TRAF3: variants seen among roughly 807,000 people sequenced by gnomAD.
TRAF3 encodes TNF receptor-associated factor 3.
Under a neutral mutation model 62.3 loss-of-function variants are expected in TRAF3, and 13 were observed. The observed-to-expected ratio is 0.21, with a 90% CI of 0.14 to 0.33. The LOEUF is 0.33. Among genes scored for constraint, TRAF3 ranks in the 10% least tolerant of loss-of-function variants. The pLI is 1.00. For missense variants in TRAF3, 440 were observed against 741.8 expected, an observed-to-expected ratio of 0.59 and a Z score of 4.73; for synonymous variants, 269 against 283.4, an observed-to-expected ratio of 0.95 and a Z score of 0.51.
At chr14:102,847,336 A>T (rs1171594754) in intron 2 of TRAF3, among the ~76,000 whole-genome samples, 1 of 152,082 alleles carries the variant, frequency 6.6e-6, no homozygotes, top group African/African-American at 2.4e-5. Context: ...CACCACGCCC[A>T]GCTAATTCTT....
Position 102,828,899 on chromosome 14 carries a change from G to A in TRAF3, c.-156-1435G>A, listed in dbSNP as rs756443684. Among the ~76,000 whole-genome samples the A allele has an allele frequency of 2.0e-5, 3 of 152,200 alleles. No individual in the cohort carries two copies. The South Asian group carries it at 6.2e-4, about 31-fold the overall frequency. ...TATTCATTTCTTTAACTTAAGCAAT[G>A]ACAGTTACATTAATCTGGATGGAAC... On this transcript the variant is annotated intron_variant, in intron 1 of 11. Transcript: ENST00000392745.
At chr14:102,824,095 T>G (rs1245402058) in intron 1 of TRAF3, among the ~76,000 whole-genome samples, 1 of 152,232 alleles carries the variant, frequency 6.6e-6, no homozygotes, top group Non-Finnish European at 1.5e-5. Context: ...TGTGGACATG[T>G]CATTTCTCTT....
chr14:102,889,749 G>A, intron 8 of TRAF3, 115 bp downstream of exon 8: 1 of 1,295,288 alleles, frequency 7.7e-7, no homozygotes, highest in Non-Finnish European at 1.1e-6. Context: ...TCATGAAACT[G>A]AAACACCCTG....
At chr14:102,874,153 C>T (rs1888505144) in intron 4 of TRAF3, among the ~76,000 whole-genome samples, 1 of 152,124 alleles carries the variant, frequency 6.6e-6, no homozygotes, top group Admixed American at 6.5e-5. Context: ...TAGTTCAAGC[C>T]ACTCAGGAGG....
At chr14:102,831,423 A>C (rs751459277) in intron 2 of TRAF3, among the ~76,000 whole-genome samples, 5 of 152,192 alleles carry the variant, frequency 3.3e-5, no homozygotes, top group Non-Finnish European at 7.4e-5. Flanking sequence ...CGGAGGTAAA[A>C]CATTTTTCAA....
Position 102,877,829 on chromosome 14 carries a change from C to T in TRAF3, c.570+1304C>T, listed in dbSNP as rs895783832. ...CGCTCAGCTCATAGGTAATCCCTTCCGCAGGCCCTCCCTCAACTCATAGAT... is the reference window on the plus strand; with the variant it reads ...CGCTCAGCTCATAGGTAATCCCTTCTGCAGGCCCTCCCTCAACTCATAGAT... On this transcript the variant is annotated intron_variant, in intron 6 of 11. Transcript: ENST00000392745. 8.7e-5 allele frequency among the ~76,000 whole-genome samples: 13 copies of T among 148,620 alleles called. No homozygotes were observed. The East Asian group carries it at 1.6e-3, about 19-fold the overall frequency.
At chr14:102,791,901 C>A (rs1022656056) in intron 1 of TRAF3, among the ~76,000 whole-genome samples, 2 of 151,952 alleles carry the variant, frequency 1.3e-5, no homozygotes, top group Admixed American at 1.3e-4. Context: ...CAACCTCTGC[C>A]TCCCAGGCTC....
At chr14:102,837,157 G>C (rs557206346) in intron 2 of TRAF3, among the ~76,000 whole-genome samples, 10 of 150,816 alleles carry the variant, frequency 6.6e-5, no homozygotes, top group Admixed American at 2.0e-4. Context: ...TTTTGGGGGG[G>C]GGTGAAGGTC....
chr14:102,894,453 T>C (rs540942385), intron 9 of TRAF3, among the ~76,000 whole-genome samples: 23 of 152,322 alleles, frequency 1.5e-4, no homozygotes, highest in Non-Finnish European at 2.2e-4. Flanking sequence ...CCCACCAAAG[T>C]GGGCTGGAGT....
At chr14:102,845,054 C>G (rs973644257) in intron 2 of TRAF3, among the ~76,000 whole-genome samples, 1 of 150,250 alleles carries the variant, frequency 6.7e-6, no homozygotes, top group East Asian at 2.0e-4. Context: ...GCTGCCAGCA[C>G]GCCGGCTAAT....
At chr14:102,829,070 T>C (rs1267222893) in intron 1 of TRAF3, among the ~76,000 whole-genome samples, 1 of 152,246 alleles carries the variant, frequency 6.6e-6, no homozygotes, top group Non-Finnish European at 1.5e-5. Context: ...CTCCAGCTGC[T>C]GCTCTTCGTT....
intron 1 of TRAF3, among the ~76,000 whole-genome samples, chr14:102,798,375 C>T (rs1898214471): frequency 6.6e-6 from 1 of 152,128 alleles, no homozygotes; most frequent in South Asian, 2.1e-4. Context: ...TACGGTAGCT[C>T]ACACCTGCAA....
At chr14:102,835,023 C>CATCT (rs1234231152) in intron 2 of TRAF3, among the ~76,000 whole-genome samples, 1 of 151,924 alleles carries the variant, frequency 6.6e-6, no homozygotes, top group Non-Finnish European at 1.5e-5. Context: ...TAATATCCAG[C>CATCT]ATCTATAAGG....
intron 3 of TRAF3, 150 bp downstream of exon 3, chr14:102,870,596 T>C (rs1888284067): frequency 4.4e-6 from 5 of 1,138,726 alleles, no homozygotes; most frequent in South Asian, 1.5e-5. Flanking sequence ...GTGAATCCTT[T>C]AGGGAGGTGC....
chr14:102,791,915 C>T (rs542752788), intron 1 of TRAF3, among the ~76,000 whole-genome samples: 9 of 151,892 alleles, frequency 5.9e-5, no homozygotes, highest in Admixed American at 3.9e-4. Context: ...CAGGCTCAAG[C>T]GATCCTCTCA....
rs147875181 is a variant in TRAF3, at chr14:102,821,796, C to T, written c.-156-8538C>T. The stretch of plus-strand genomic sequence containing the variant: ...CGGTGGCTCACGCCTGTAATCCCAG[C>T]ACTTTGGGAGCCCGAGGCAGGCAGA... On this transcript the variant is annotated intron_variant, in intron 1 of 11. Transcript: ENST00000392745. Among the ~76,000 whole-genome samples the T allele has an allele frequency of 7.8e-3, 1,189 of 152,324 alleles. 20 individuals are homozygous for T. The highest frequency in any genetic ancestry group is 0.027 in the African/African-American group (1,124 of 41,572).
At chr14:102,836,985 G>A (rs994187275) in intron 2 of TRAF3, among the ~76,000 whole-genome samples, 3 of 152,114 alleles carry the variant, frequency 2.0e-5, no homozygotes, top group Non-Finnish European at 4.4e-5. Context: ...GAGTAGCGCA[G>A]CACAGTCCTT....
At chr14:102,859,037 A>G (rs1887540087) in intron 2 of TRAF3, among the ~76,000 whole-genome samples, 1 of 152,194 alleles carries the variant, frequency 6.6e-6, no homozygotes, top group Admixed American at 6.5e-5. Flanking sequence ...CCAGTGTTCA[A>G]TTTACGGAAC....
chr14:102,796,683 G>A (rs8022180), intron 1 of TRAF3, among the ~76,000 whole-genome samples: 77,494 of 152,116 alleles, frequency 0.51, 22,518 homozygotes, highest in South Asian at 0.74. Context: ...TCGATGCCCC[G>A]GAATGACTGG....
Sources: gnomAD v4.1 joint callset for allele counts (sites outside exome capture counted in the v4.1 genomes callset) on GRCh38, gnomAD v4.1.1 for gene constraint, MANE v1.5 for transcripts, NCBI Gene and HGNC (gene_info 2026-07-23, HGNC 2026-07-21) for gene names.